Variants in MSRA observed in about 807,000 individuals in gnomAD.
MSRA encodes the protein mitochondrial peptide methionine sulfoxide reductase.
A neutral mutation model predicts 31.3 loss-of-function variants in MSRA; 54 were observed. That is an observed-to-expected ratio of 1.73 (90% confidence interval 1.39 to 2.17). MSRA has a LOEUF of 2.17. MSRA is among the 30% of genes most tolerant of loss of function. MSRA has a pLI of 0.00. For synonymous variants in MSRA, 169 were observed against 116.5 expected (o/e 1.45, Z -2.90); for missense variants, 507 against 300.9 (o/e 1.69, Z -5.07).
chr8:10,135,701 T>C (rs1459766747), intron 1 of MSRA, among the ~76,000 whole-genome samples: 2 of 152,348 alleles, frequency 1.3e-5, no homozygotes, highest in African/African-American at 4.8e-5. Context: ...TTGACCCATA[T>C]GAAATTGCCA....
At chr8:10,097,874 T>G (rs1799280771) in intron 1 of MSRA, among the ~76,000 whole-genome samples, 1 of 152,178 alleles carries the variant, frequency 6.6e-6, no homozygotes, top group Admixed American at 6.5e-5. Context: ...ATATTAAACT[T>G]AAAATTTGAT....
chr8:10,339,262 C>G (rs1392388586), intron 5 of MSRA, among the ~76,000 whole-genome samples: 3 of 152,176 alleles, frequency 2.0e-5, no homozygotes, highest in Non-Finnish European at 1.5e-5. Flanking sequence ...ATCTCTTTAT[C>G]TGAGCATGGA....
intron 4 of MSRA, among the ~76,000 whole-genome samples, chr8:10,311,299 G>C (rs538457795): frequency 6.6e-6 from 1 of 152,148 alleles, no homozygotes; most frequent in Non-Finnish European, 1.5e-5. Context: ...TAAAATGGAA[G>C]GCAACACAGG....
In MSRA at chr8:10,054,360, G is replaced by T; in HGVS notation, c.-157G>T. 1 of 638,700 alleles carries T rather than the reference G, an allele frequency of 1.6e-6. No homozygotes were observed. The allele number at this position is 638,700 out of a possible 1,614,324, so 39.6% of individuals were successfully genotyped here. ...CGGGTTTGGGCAACCTCGATTACGGGCGGCCTCCAGCCCCGCCAGCAGCGC... is the reference window on the plus strand; with the variant it reads ...CGGGTTTGGGCAACCTCGATTACGGTCGGCCTCCAGCCCCGCCAGCAGCGC... On this transcript the variant is annotated 5_prime_UTR_variant, in exon 1 of 6. Transcript: ENST00000317173.
intron 1 of MSRA, among the ~76,000 whole-genome samples, chr8:10,092,787 T>G (rs116575446): frequency 6.6e-6 from 1 of 152,252 alleles, no homozygotes; most frequent in South Asian, 2.1e-4. Flanking sequence ...ATGAAAGGTA[T>G]TGAAGTTTCC....
chr8:10,186,060 C>T (rs1012699606), intron 1 of MSRA, among the ~76,000 whole-genome samples: 1 of 152,142 alleles, frequency 6.6e-6, no homozygotes, highest in Admixed American at 6.5e-5. Context: ...ATCGGAACAG[C>T]GTGCCTCTTA....
At chr8:10,328,725 G>A in intron 5 of MSRA, among the ~76,000 whole-genome samples, 1 of 152,186 alleles carries the variant, frequency 6.6e-6, no homozygotes, top group Non-Finnish European at 1.5e-5. Flanking sequence ...TATCTAAGAT[G>A]TAGCCTATAA....
intron 2 of MSRA, among the ~76,000 whole-genome samples, chr8:10,219,196 C>T (rs940497380): frequency 2.0e-5 from 3 of 152,180 alleles, no homozygotes; most frequent in Non-Finnish European, 2.9e-5. Context: ...CTGCCCATAG[C>T]GAAGATTAAC....
intron 1 of MSRA, among the ~76,000 whole-genome samples, chr8:10,166,780 G>A (rs902183055): frequency 6.6e-6 from 1 of 152,114 alleles, no homozygotes; most frequent in African/African-American, 2.4e-5. Context: ...CCCATTTCTA[G>A]GTGTGTGGCC....
At chr8:10,130,008 G>T (rs1801783696) in intron 1 of MSRA, among the ~76,000 whole-genome samples, 1 of 152,166 alleles carries the variant, frequency 6.6e-6, no homozygotes, top group Non-Finnish European at 1.5e-5. Flanking sequence ...CCATCCATAT[G>T]CTAGCAGTAC....
chr8:10,056,212 A>C (rs199811013), intron 1 of MSRA, among the ~76,000 whole-genome samples: 14 of 150,820 alleles, frequency 9.3e-5, no homozygotes, highest in South Asian at 4.2e-4. Context: ...AAAAAAAAAA[A>C]AAAAAAAAAC....
chr8:10,232,495 G>A (rs939974808), intron 2 of MSRA, among the ~76,000 whole-genome samples: 48 of 152,292 alleles, frequency 3.2e-4, no homozygotes, highest in Admixed American at 1.2e-3. Flanking sequence ...TCATGAGTGC[G>A]GAAGATGTAG....
intron 1 of MSRA, among the ~76,000 whole-genome samples, chr8:10,188,364 A>T (rs987746234): frequency 6.6e-6 from 1 of 152,228 alleles, no homozygotes. Context: ...TTATCGTTTA[A>T]CAGTCACATT....
chr8:10,407,482 C>G (rs193007069), intron 5 of MSRA, among the ~76,000 whole-genome samples: 1 of 152,270 alleles, frequency 6.6e-6, no homozygotes, highest in East Asian at 1.9e-4. Context: ...ACAATTAGGA[C>G]TTGCTATGGA....
chr8:10,082,923 A>G (rs574797252), intron 1 of MSRA, among the ~76,000 whole-genome samples: 68 of 152,372 alleles, frequency 4.5e-4, no homozygotes, highest in African/African-American at 1.6e-3. Context: ...GTGCTAATGG[A>G]TGATTAGAAA....
intron 5 of MSRA, among the ~76,000 whole-genome samples, chr8:10,331,324 C>T (rs991489599): frequency 4.6e-5 from 7 of 152,200 alleles, no homozygotes; most frequent in Non-Finnish European, 8.8e-5. Context: ...CCTGGCTCTG[C>T]CTGTAGTGAC....
intron 5 of MSRA, among the ~76,000 whole-genome samples, chr8:10,397,868 G>T (rs906032020): frequency 6.3e-4 from 96 of 152,264 alleles, no homozygotes; most frequent in African/African-American, 2.1e-3. Context: ...CAAAAAAAAG[G>T]AGAAGTAAGG....
chr8:10,319,100 T>G (rs1471309279), intron 4 of MSRA, among the ~76,000 whole-genome samples: 1 of 152,118 alleles, frequency 6.6e-6, no homozygotes, highest in Non-Finnish European at 1.5e-5. Context: ...CTGCACAGAT[T>G]TTCCCTTAAC....
At chr8:10,272,667 C>T (rs928997135) in intron 3 of MSRA, among the ~76,000 whole-genome samples, 2 of 152,064 alleles carry the variant, frequency 1.3e-5, no homozygotes, top group African/African-American at 2.4e-5. Flanking sequence ...CTCACTCTTA[C>T]TCGCGCTTTA....
Sources: gnomAD v4.1 joint callset for allele counts (sites outside exome capture counted in the v4.1 genomes callset) on GRCh38, gnomAD v4.1.1 for gene constraint, MANE v1.5 for transcripts, NCBI Gene and HGNC (gene_info 2026-07-23, HGNC 2026-07-21) for gene names.